Variants in GSE1 observed in about 807,000 individuals in gnomAD.
GSE1 encodes the protein Gse1 coiled-coil protein.
A neutral mutation model predicts 112.6 loss-of-function variants in GSE1; 32 were observed. That is an observed-to-expected ratio of 0.28 (90% confidence interval 0.21 to 0.38). The LOEUF is 0.38. Among genes scored for constraint, GSE1 ranks in the 10% least tolerant of loss-of-function variants. The probability of loss-of-function intolerance (pLI) is 1.00; values close to 1 mark genes in which losing one functional copy is unlikely to be tolerated. For synonymous variants in GSE1, 1,115 were observed against 735.6 expected, an observed-to-expected ratio of 1.52 and a Z score of -8.35; for missense variants, 2,348 against 1,699.2, an observed-to-expected ratio of 1.38 and a Z score of -6.71.
At chr16:85,440,152 T>C (rs2049342726) in intron 2 of GSE1, among the ~76,000 whole-genome samples, 2 of 152,176 alleles carry the variant, frequency 1.3e-5, no homozygotes, top group African/African-American at 4.8e-5. Flanking sequence ...GTCGAGTCAG[T>C]GAATGCATGG....
chr16:85,271,764 G>T (rs1402375749), intron 1 of GSE1, among the ~76,000 whole-genome samples: 1 of 152,154 alleles, frequency 6.6e-6, no homozygotes, highest in Non-Finnish European at 1.5e-5. Flanking sequence ...AGGGGAAGTG[G>T]GGAGAGCAGT....
Position 85,627,984 on chromosome 16 carries a change from C to T in GSE1, c.8-5930C>T, listed in dbSNP as rs777888974. 9.2e-5 allele frequency among the ~76,000 whole-genome samples: 14 copies of T among 152,218 alleles called. No individual in the cohort carries two copies. In the East Asian group the frequency reaches 9.7e-4, roughly 11 times the overall value. ...CTGGGGAGGGCTGGGGGCTTCGTGC[C>T]GAGGCCTCGGGGGCAGCAGCCTTGA... is the stretch of plus-strand genomic sequence containing the variant. On this transcript the variant is annotated intron_variant, in intron 1 of 15. Transcript: ENST00000253458.
chr16:85,479,559 C>T (rs2050608535), intron 2 of GSE1, among the ~76,000 whole-genome samples: 1 of 152,156 alleles, frequency 6.6e-6, no homozygotes, highest in Admixed American at 6.5e-5. Flanking sequence ...CTGCCTTTGC[C>T]TCCCAAAGTG....
chr16:85,546,864 G>A lies in GSE1; in HGVS notation c.2465-87050G>A, dbSNP rs541985279. ...GGGCCTGAAGGTGTGCCCAAGGCCA[G>A]CAGTTAGAGGTAGATCCTCAGGAAG... On this transcript the variant is annotated intron_variant, in intron 2 of 2. Coordinates refer to the GSE1 transcript ENST00000637419. Among the ~76,000 whole-genome samples the A allele has an allele frequency of 2.3e-3, 343 of 152,378 alleles. 2 individuals are homozygous for A. Among genetic ancestry groups the A allele is most frequent in the Non-Finnish European group, 2.7e-3 (187 of 68,046 alleles).
At chr16:85,349,451 G>A (rs1245461020) in intron 1 of GSE1, among the ~76,000 whole-genome samples, 2 of 152,148 alleles carry the variant, frequency 1.3e-5, no homozygotes, top group Non-Finnish European at 2.9e-5. Context: ...GAGGGCTCCC[G>A]TGGCAGGGCT....
rs141340781 is a variant in GSE1 at position 85,193,273 on chromosome 16, A to C, written c.2283+21466A>C. ...TGGATAGGCATTGGAAAGGAATGAT[A>C]AACACACCATCCTGTTGAATAGCTG... On this transcript the variant is annotated intron_variant, in intron 1 of 2. Coordinates refer to the GSE1 transcript ENST00000637419. 1.8e-4 allele frequency among the ~76,000 whole-genome samples: 28 copies of C among 152,342 alleles called. No homozygotes were observed. The East Asian group carries it at 5.0e-3, about 27-fold the overall frequency.
intron 1 of GSE1, among the ~76,000 whole-genome samples, chr16:85,336,690 C>G (rs1293863744): frequency 6.6e-5 from 10 of 152,078 alleles, no homozygotes; most frequent in African/African-American, 2.4e-4. Flanking sequence ...CACCCTCCGC[C>G]TCCTCAGTAC....
chr16:85,230,180 T>C (rs1240265910), intron 1 of GSE1, among the ~76,000 whole-genome samples: 26 of 152,164 alleles, frequency 1.7e-4, no homozygotes, highest in Non-Finnish European at 2.9e-5. Flanking sequence ...TTGGTTGGGG[T>C]CTTGTCTGGC....
At chr16:85,371,216 A>T (rs2047293011) in intron 2 of GSE1, among the ~76,000 whole-genome samples, 1 of 152,184 alleles carries the variant, frequency 6.6e-6, no homozygotes, top group South Asian at 2.1e-4. Context: ...CAGGGGGGCC[A>T]GGGGCTGGGC....
intron 1 of GSE1, among the ~76,000 whole-genome samples, chr16:85,562,644 G>A (rs1028949469): frequency 5.3e-5 from 8 of 152,252 alleles, no homozygotes; most frequent in Non-Finnish European, 8.8e-5. Flanking sequence ...AGGGGAGGAC[G>A]TGTCTGGACT....
chr16:85,188,398 C>T (rs1134510), intron 1 of GSE1, among the ~76,000 whole-genome samples: 24,878 of 152,190 alleles, frequency 0.16, 2,174 homozygotes, highest in Middle Eastern at 0.27. Flanking sequence ...TATTATTTCC[C>T]TTCTGTTCCT....
At chr16:85,490,452 G>C (rs2050974013) in intron 2 of GSE1, 1 of 152,264 alleles carries the variant, frequency 6.6e-6, no homozygotes, top group African/African-American at 2.4e-5. Context: ...CAGAGGTCTA[G>C]ATCCTCAACT....
At chr16:85,317,825 G>T (rs1307348681) in intron 1 of GSE1, among the ~76,000 whole-genome samples, 1 of 152,202 alleles carries the variant, frequency 6.6e-6, no homozygotes, top group African/African-American at 2.4e-5. Context: ...TCAGCTCCTT[G>T]CCTCGTCCGC....
intron 2 of GSE1, among the ~76,000 whole-genome samples, chr16:85,465,028 G>C (rs868777901): frequency 1.1e-3 from 166 of 152,344 alleles, no homozygotes; most frequent in African/African-American, 3.9e-3. Flanking sequence ...AGCTAGTGAG[G>C]TGCAGACGGG....
intron 1 of GSE1, chr16:85,285,251 C>T (rs1203110036): frequency 6.6e-6 from 1 of 152,166 alleles, no homozygotes; most frequent in Non-Finnish European, 1.5e-5. Context: ...CCCAAACAGT[C>T]CATTTGGTTA....
intron 1 of GSE1, among the ~76,000 whole-genome samples, chr16:85,263,111 G>C (rs1404243241): frequency 1.3e-5 from 2 of 152,198 alleles, no homozygotes; most frequent in East Asian, 3.8e-4. Flanking sequence ...AGTGATTAGA[G>C]GCTTCCAGAA....
intron 1 of GSE1, among the ~76,000 whole-genome samples, chr16:85,199,908 C>T (rs966264707): frequency 7.9e-5 from 12 of 152,062 alleles, no homozygotes; most frequent in African/African-American, 2.4e-4. Flanking sequence ...GATGGGACAG[C>T]GTGGATGGCC....
chr16:85,288,150 G>C (rs1430619505), intron 1 of GSE1, among the ~76,000 whole-genome samples: 13 of 152,186 alleles, frequency 8.5e-5, no homozygotes, highest in African/African-American at 3.1e-4. Context: ...TGAGGCAGGA[G>C]AGTCGTTTGA....
intron 1 of GSE1, among the ~76,000 whole-genome samples, chr16:85,293,360 A>G (rs930822629): frequency 6.6e-6 from 1 of 152,130 alleles, no homozygotes; most frequent in African/African-American, 2.4e-5. Flanking sequence ...AGCCTGGTCA[A>G]CATGGTGAAA....
Sources: allele counts gnomAD v4.1 joint callset (sites outside exome capture counted in the v4.1 genomes callset), GRCh38; gene constraint gnomAD v4.1.1; transcripts MANE v1.5; gene names NCBI Gene and HGNC (gene_info 2026-07-23, HGNC 2026-07-21).